Variants in TNFSF4 observed in about 807,000 individuals in gnomAD.
TNFSF4 encodes the protein tumor necrosis factor ligand superfamily member 4.
A neutral mutation model predicts 7.3 loss-of-function variants in TNFSF4; 4 were observed. That is an observed-to-expected ratio of 0.55 (90% confidence interval 0.27 to 1.25). The LOEUF (loss-of-function observed/expected upper bound fraction) is 1.25, where lower values mean the gene tolerates loss of function less well. Ranked by LOEUF, TNFSF4 falls within the 50% of genes most tolerant of loss-of-function variation. The pLI is 0.12. For missense variants in TNFSF4, 181 were observed against 208.8 expected (o/e 0.87, Z 0.82); for synonymous variants, 76 against 83.7 (o/e 0.91, Z 0.50).
chr1:173,389,940 A>G, the TNFSF4 span, among the ~76,000 whole-genome samples: 1 of 152,128 alleles, frequency 6.6e-6, no homozygotes, highest in African/African-American at 2.4e-5. Context: ...TTTGAACATA[A>G]CTATTTTAAA....
chr1:173,359,475 AAAG>A, the TNFSF4 span, among the ~76,000 whole-genome samples: 824 of 83,358 alleles, frequency 9.9e-3, 7 homozygotes, highest in African/African-American at 0.027. Context: ...AGAAAAGAAA[AAAG>A]AAAAATTCAA....
intron 1 of TNFSF4, among the ~76,000 whole-genome samples, chr1:173,189,232 T>C (rs1156717331): frequency 6.6e-6 from 1 of 152,228 alleles, no homozygotes. Flanking sequence ...TATAGTCATA[T>C]TGTTAAGAAA....
At chr1:173,209,647 G>A (rs752857676), upstream of TNFSF4, among the ~76,000 whole-genome samples, 2 of 152,088 alleles carry the variant, frequency 1.3e-5, no homozygotes, top group Non-Finnish European at 2.9e-5. Context: ...TAGGACTATA[G>A]ACACGCAACA....
At chr1:173,216,237 AC>A in the TNFSF4 span, among the ~76,000 whole-genome samples, 129 of 152,206 alleles carry the variant, frequency 8.5e-4, no homozygotes, top group African/African-American at 3.0e-3. Context: ...ATGGGCATCT[AC>A]CCTCATCTAT....
chr1:173,194,757 T>C (rs1342636906), intron 1 of TNFSF4, among the ~76,000 whole-genome samples: 1 of 151,588 alleles, frequency 6.6e-6, no homozygotes, highest in Non-Finnish European at 1.5e-5. Flanking sequence ...TAGCTGGACA[T>C]GGTGGTACAC....
chr1:173,243,293 G>A, the TNFSF4 span, among the ~76,000 whole-genome samples: 7 of 152,248 alleles, frequency 4.6e-5, no homozygotes, highest in East Asian at 9.7e-4. Flanking sequence ...ACTCACCAAA[G>A]AATGCAGTTT....
chr1:173,255,741 C>T, the TNFSF4 span, among the ~76,000 whole-genome samples: 1 of 152,188 alleles, frequency 6.6e-6, no homozygotes, highest in Non-Finnish European at 1.5e-5. Context: ...TAGGAGCTAA[C>T]CTTATAACTA....
At chr1:173,290,355 A>G in the TNFSF4 span, among the ~76,000 whole-genome samples, 2 of 152,210 alleles carry the variant, frequency 1.3e-5, no homozygotes, top group Admixed American at 6.5e-5. Context: ...TCCACCTCAC[A>G]TGTAACGCTC....
At chr1:173,260,311 A>C in the TNFSF4 span, among the ~76,000 whole-genome samples, 7 of 152,246 alleles carry the variant, frequency 4.6e-5, no homozygotes, top group Admixed American at 3.9e-4. Flanking sequence ...TGTCATCACA[A>C]GGCCTGCCTT....
chr1:173,286,124 A>G, the TNFSF4 span, among the ~76,000 whole-genome samples: 1 of 152,238 alleles, frequency 6.6e-6, no homozygotes, highest in South Asian at 2.1e-4. Context: ...GAAGAGTATA[A>G]TATGCTCATG....
the TNFSF4 span, among the ~76,000 whole-genome samples, chr1:173,340,200 A>G: frequency 6.6e-6 from 1 of 152,124 alleles, no homozygotes; most frequent in African/African-American, 2.4e-5. Flanking sequence ...TCTCGAGCCT[A>G]GTATCCTCAG....
At chr1:173,177,767 T>C in the TNFSF4 span, among the ~76,000 whole-genome samples, 299 of 152,196 alleles carry the variant, frequency 2.0e-3, 2 homozygotes, top group African/African-American at 6.7e-3. Context: ...CTTGTTATTA[T>C]GGAACTTAAA....
chr1:173,192,818 C>G (rs2101987663), intron 1 of TNFSF4, among the ~76,000 whole-genome samples: 1 of 152,208 alleles, frequency 6.6e-6, no homozygotes, highest in Non-Finnish European at 1.5e-5. Flanking sequence ...GTTCCTTAAT[C>G]TGTAAAATGG....
At chr1:173,319,169 C>T in the TNFSF4 span, among the ~76,000 whole-genome samples, 3 of 152,138 alleles carry the variant, frequency 2.0e-5, no homozygotes, top group African/African-American at 4.8e-5. Context: ...GAGGGGTACT[C>T]GCCATTACTG....
At chr1:173,218,157 G>C in the TNFSF4 span, among the ~76,000 whole-genome samples, 1 of 152,022 alleles carries the variant, frequency 6.6e-6, no homozygotes, top group African/African-American at 2.4e-5. Context: ...TGGTTCCCCA[G>C]GTATTTCTAG....
the TNFSF4 span, among the ~76,000 whole-genome samples, chr1:173,390,050 T>C: frequency 9.8e-5 from 15 of 152,324 alleles, no homozygotes; most frequent in East Asian, 2.7e-3. Flanking sequence ...AGATTTTGCG[T>C]ATGCTACTAC....
chr1:173,326,774 C>T, the TNFSF4 span, among the ~76,000 whole-genome samples: 3 of 152,188 alleles, frequency 2.0e-5, no homozygotes, highest in Admixed American at 1.3e-4. Context: ...ACAATTGCTT[C>T]AAAGAGGATA....
chr1:173,345,654 A>C, the TNFSF4 span, among the ~76,000 whole-genome samples: 1 of 152,222 alleles, frequency 6.6e-6, no homozygotes, highest in African/African-American at 2.4e-5. Flanking sequence ...TGTTCACTAA[A>C]CCCAGCAGGA....
the TNFSF4 span, among the ~76,000 whole-genome samples, chr1:173,240,814 G>A: frequency 2.9e-4 from 44 of 152,232 alleles, no homozygotes; most frequent in East Asian, 8.3e-3. Flanking sequence ...GAGGAACCCA[G>A]TCCCCTATCC....
Sources: gnomAD v4.1 joint callset for allele counts (sites outside exome capture counted in the v4.1 genomes callset) on GRCh38, gnomAD v4.1.1 for gene constraint, MANE v1.5 for transcripts, NCBI Gene and HGNC (gene_info 2026-07-23, HGNC 2026-07-21) for gene names.